SH3RF3: variants seen among roughly 807,000 people sequenced by gnomAD.
SH3RF3 encodes E3 ubiquitin-protein ligase SH3RF3.
SH3RF3 carries 29 observed loss-of-function variants against 66.3 expected under a neutral mutation model. The observed-to-expected ratio is 0.44, with a 90% CI of 0.33 to 0.60. The LOEUF (loss-of-function observed/expected upper bound fraction) is 0.60. Among genes scored for constraint, SH3RF3 ranks in the 20% least tolerant of loss-of-function variants. SH3RF3 has a pLI of 0.04. For missense variants in SH3RF3, 1,194 were observed against 1,190.9 expected, an observed-to-expected ratio of 1.00 and a Z score of -0.04; for synonymous variants, 583 against 532.0, an observed-to-expected ratio of 1.10 and a Z score of -1.32.
chr2:109,357,291 C>T (rs1225366631), intron 2 of SH3RF3, among the ~76,000 whole-genome samples: 2 of 152,042 alleles, frequency 1.3e-5, no homozygotes, highest in African/African-American at 4.8e-5. Flanking sequence ...ATGCCATTCT[C>T]CTGCCTCAGC....
Position 109,449,427 on chromosome 2 carries a change from G to A in SH3RF3, c.2086G>A (p.Val696Ile). ...GGAGGCTGGAGGGGGGCCCATCGGT[G>A]TTCTGTCCACATCCAGCCCCACCAA... Reference protein sequence around the residue: ...NGEAGGGPIGVLSTSSPTNTG... With the variant: ...NGEAGGGPIGILSTSSPTNTG... Residue 696 changes from valine to isoleucine, a missense_variant, in exon 8 of 10, where the codon GTT (valine) becomes ATT (isoleucine). Physicochemically the swap from Val to Ile is conservative, Grantham distance 29. Transcript: ENST00000309415. 2 of 1,613,994 alleles carry A rather than the reference G, an allele frequency of 1.2e-6. No homozygotes were observed. Among genetic ancestry groups the A allele is most frequent in the South Asian group, 1.1e-5 (1 of 91,064 alleles).
Position 109,129,625 on chromosome 2 carries a change from G to T in SH3RF3, c.85G>T (p.Glu29Ter). The T allele has an allele frequency of 1.3e-6, 2 of 1,491,856 alleles. No homozygotes were observed. The highest frequency in any genetic ancestry group is 2.2e-5 in the Admixed American group (1 of 44,910). 92.4% of individuals were successfully genotyped at this position (1,491,856 alleles called of 1,614,324 possible). Reference sequence around the variant, plus strand: ...CGAGGGCGACGAGGACAGGCCAGGCGAGCGACGGCGGCGTCGGGCGGCGGC... The same window carrying T: ...CGAGGGCGACGAGGACAGGCCAGGCTAGCGACGGCGGCGTCGGGCGGCGGC... ...QSEGDEDRPG[E>*]RRRRRAAATA... The change falls in exon 1 of 10, where the codon GAG becomes TAG. Residue 29 changes from glutamate to a stop codon, truncating the protein, a stop_gained. Coordinates refer to ENST00000309415, the MANE Select transcript of SH3RF3 (RefSeq NM_001099289.3). LOFTEE classifies it high-confidence loss of function.
chr2:109,243,624 G>T (rs79614181), intron 1 of SH3RF3, among the ~76,000 whole-genome samples: 16 of 152,260 alleles, frequency 1.1e-4, no homozygotes, highest in Admixed American at 2.0e-4. Context: ...TAAAGAGATG[G>T]TGTCTAAACT....
chr2:109,434,531 G>A (rs749779859), intron 6 of SH3RF3, among the ~76,000 whole-genome samples: 5 of 152,154 alleles, frequency 3.3e-5, no homozygotes, highest in African/African-American at 7.2e-5. Flanking sequence ...TCTCTTAGGC[G>A]CCTCCCACCC....
chr2:109,164,993 G>A (rs757233168), intron 1 of SH3RF3, among the ~76,000 whole-genome samples: 20 of 152,142 alleles, frequency 1.3e-4, no homozygotes, highest in East Asian at 3.9e-4. Flanking sequence ...CTTAGTCATC[G>A]TCTTCCTTGG....
At chr2:109,321,551 T>G (rs1419338489) in intron 1 of SH3RF3, among the ~76,000 whole-genome samples, 1 of 152,250 alleles carries the variant, frequency 6.6e-6, no homozygotes, top group African/African-American at 2.4e-5. Flanking sequence ...TTAACAAACA[T>G]TCTCCAATAA....
chr2:109,304,554 T>C (rs1078252), intron 1 of SH3RF3, among the ~76,000 whole-genome samples: 46,273 of 152,058 alleles, frequency 0.3, 8,523 homozygotes, highest in African/African-American at 0.52. Context: ...TGGGTAAGAG[T>C]GGTTAACTCC....
chr2:109,200,399 C>T (rs1463485780), intron 1 of SH3RF3, among the ~76,000 whole-genome samples: 1 of 152,182 alleles, frequency 6.6e-6, no homozygotes, highest in Non-Finnish European at 1.5e-5. Flanking sequence ...CCTTGTCTTT[C>T]TCTCTTTCCC....
chr2:109,245,492 C>T (rs1359989638), intron 1 of SH3RF3, among the ~76,000 whole-genome samples: 2 of 152,094 alleles, frequency 1.3e-5, no homozygotes, highest in Non-Finnish European at 2.9e-5. Flanking sequence ...GATTATTTTC[C>T]TTTCTAAGAG....
rs557929415 is a variant in SH3RF3 at position 109,241,539 on chromosome 2, G to A, written c.574-106135G>A. Reference sequence around the variant, plus strand: ...CAGAAAATCAGATTTATAACCATCCGTCCTCCCTCCCACACAACCTTCTTC... The same window carrying A: ...CAGAAAATCAGATTTATAACCATCCATCCTCCCTCCCACACAACCTTCTTC... On this transcript the variant is annotated intron_variant, in intron 1 of 9. Transcript: ENST00000309415. Among the ~76,000 whole-genome samples, 26 of 151,694 alleles carry A rather than the reference G, an allele frequency of 1.7e-4. No homozygotes were observed. In the South Asian group the frequency reaches 4.8e-3, roughly 28 times the overall value.
chr2:109,150,309 T>TG (rs1301165219), intron 1 of SH3RF3, among the ~76,000 whole-genome samples: 1 of 150,236 alleles, frequency 6.7e-6, no homozygotes, highest in East Asian at 2.0e-4. Context: ...GGGGAAGGGT[T>TG]GGGGGAGGGG....
At chr2:109,332,955 G>A (rs1682322023) in intron 1 of SH3RF3, among the ~76,000 whole-genome samples, 1 of 152,226 alleles carries the variant, frequency 6.6e-6, no homozygotes, top group Non-Finnish European at 1.5e-5. Context: ...GTGAGACCTT[G>A]GTGGTCCCAA....
intron 1 of SH3RF3, among the ~76,000 whole-genome samples, chr2:109,333,215 G>T (rs1481359826): frequency 6.6e-6 from 1 of 152,226 alleles, no homozygotes; most frequent in Non-Finnish European, 1.5e-5. Context: ...GTATCTATCA[G>T]GTTCAGGCAT....
chr2:109,195,377 C>T (rs1678471659), intron 1 of SH3RF3, among the ~76,000 whole-genome samples: 1 of 152,244 alleles, frequency 6.6e-6, no homozygotes. Flanking sequence ...CCAAGCTTCC[C>T]TGCCCTCTGG....
chr2:109,137,309 C>T (rs1255932147), intron 1 of SH3RF3, among the ~76,000 whole-genome samples: 2 of 152,150 alleles, frequency 1.3e-5, no homozygotes, highest in Admixed American at 6.5e-5. Context: ...ATCTTTCTGA[C>T]TTTGTGGTGG....
intron 8 of SH3RF3, among the ~76,000 whole-genome samples, chr2:109,473,623 G>A (rs528148475): frequency 2.6e-5 from 4 of 152,274 alleles, no homozygotes; most frequent in African/African-American, 9.6e-5. Context: ...GCACAAACAA[G>A]GTTCAAGGGG....
rs576370301 is a variant in SH3RF3, at chr2:109,271,160, T to C, written c.574-76514T>C. Among the ~76,000 whole-genome samples the C allele has an allele frequency of 1.1e-4, 16 of 152,298 alleles. No homozygotes were observed. In the South Asian group the frequency reaches 3.1e-3, roughly 30 times the overall value. On this transcript the variant is annotated intron_variant, in intron 1 of 9. Coordinates refer to ENST00000309415, the MANE Select transcript of SH3RF3 (RefSeq NM_001099289.3). Reference sequence around the variant, plus strand: ...AGCCAGAAGCAGTGAGGGTGTGTGCTTGGCTTCCTGGAGTATTTGCTAATG... The same window carrying C: ...AGCCAGAAGCAGTGAGGGTGTGTGCCTGGCTTCCTGGAGTATTTGCTAATG...
At chr2:109,357,452 A>T (rs1319014708) in intron 2 of SH3RF3, among the ~76,000 whole-genome samples, 1 of 152,166 alleles carries the variant, frequency 6.6e-6, no homozygotes, top group Non-Finnish European at 1.5e-5. Context: ...AAGTGCTGGG[A>T]TTACAGGCGT....
Position 109,449,211 on chromosome 2 carries a change from A to G in SH3RF3, c.1870A>G (p.Thr624Ala). Residue 624 changes from threonine (T) to alanine (A), a missense_variant, in exon 8 of 10, where the codon ACC becomes GCC. Coordinates refer to ENST00000309415, the MANE Select transcript of SH3RF3 (RefSeq NM_001099289.3). ...CCAGGCTCAGGACCGGCCAACTGCC[A>G]CCGTGTCACCCCTGCGCACCCAGAA... ...AAQAQDRPTA[T>A]VSPLRTQNSP... The G allele has an allele frequency of 1.9e-6, 3 of 1,613,542 alleles. No homozygotes were observed. Among genetic ancestry groups the G allele is most frequent in the Non-Finnish European group, 2.5e-6 (3 of 1,179,804 alleles).
Sources: gnomAD v4.1 joint callset for allele counts (sites outside exome capture counted in the v4.1 genomes callset) on GRCh38, gnomAD v4.1.1 for gene constraint, MANE v1.5 for transcripts, NCBI Gene and HGNC (gene_info 2026-07-23, HGNC 2026-07-21) for gene names.